PRKCE: variants seen among roughly 807,000 people sequenced by gnomAD.
The protein encoded by PRKCE is protein kinase C epsilon.
A neutral mutation model predicts 85.4 loss-of-function variants in PRKCE; 16 were observed. The observed-to-expected ratio is 0.19, with a 90% CI of 0.13 to 0.28. The LOEUF is 0.28. Among genes scored for constraint, PRKCE ranks in the 10% least tolerant of loss-of-function variants. The pLI is 1.00. For synonymous variants in PRKCE, 388 were observed against 371.5 expected (o/e 1.04, Z -0.51); for missense variants, 573 against 975.2 (o/e 0.59, Z 5.49).
At chr2:45,840,562 C>G (rs1320289536) in intron 1 of PRKCE, 1 of 152,210 alleles carries the variant, frequency 6.6e-6, no homozygotes. Context: ...GTGAGCAGCT[C>G]CCCCGGGGTG....
chr2:46,014,249 G>A (rs970629855), intron 10 of PRKCE, among the ~76,000 whole-genome samples: 1 of 152,066 alleles, frequency 6.6e-6, no homozygotes, highest in Non-Finnish European at 1.5e-5. Flanking sequence ...AACCATGTAG[G>A]GAATTCTACC....
intron 2 of PRKCE, among the ~76,000 whole-genome samples, chr2:45,858,430 A>T (rs995006159): frequency 6.6e-6 from 1 of 151,998 alleles, no homozygotes; most frequent in African/African-American, 2.4e-5. Context: ...CCTTGAATCA[A>T]TCTGTCTTTT....
chr2:45,774,548 G>A lies in PRKCE; in HGVS notation c.349-68452G>A, dbSNP rs998074641. Among the ~76,000 whole-genome samples, 5 of 152,144 alleles carry A rather than the reference G, an allele frequency of 3.3e-5. No individual in the cohort carries two copies. Among genetic ancestry groups the A allele is most frequent in the African/African-American group, 1.2e-4 (5 of 41,432 alleles). ...CATGCCAAAGCACCCCATGCCTTGG[G>A]GAAAGCTGAATGCCAGGAATCGGGT... On this transcript the variant is annotated intron_variant, in intron 1 of 14. Transcript: ENST00000306156. The surrounding 1 kb of genome is among the most constrained non-coding windows in gnomAD (Gnocchi z 4.3).
chr2:46,097,519 C>CAAAAAAAAAACAAAAAACAAAAAAAAAA, intron 11 of PRKCE, among the ~76,000 whole-genome samples: 1 of 94,124 alleles, frequency 1.1e-5, no homozygotes, highest in Non-Finnish European at 2.2e-5. Flanking sequence ...GACTCCGTCT[C>CAAAAAAAAAACAAAAAACAAAAAAAAAA]AAAAAAAAAA....
At chr2:45,672,372 A>G (rs1306315540) in intron 1 of PRKCE, among the ~76,000 whole-genome samples, 3 of 151,816 alleles carry the variant, frequency 2.0e-5, no homozygotes, top group Non-Finnish European at 4.4e-5. Context: ...TCATTCATCC[A>G]TCTCTACATC....
intron 6 of PRKCE, 111 bp downstream of exon 6, chr2:45,984,791 C>A: frequency 6.9e-7 from 1 of 1,455,410 alleles, no homozygotes; most frequent in Non-Finnish European, 9.2e-7. Flanking sequence ...TGGCCAAGAA[C>A]TGAGTGCAAG....
chr2:45,989,186 C>T (rs572277766), intron 6 of PRKCE, among the ~76,000 whole-genome samples: 10 of 152,216 alleles, frequency 6.6e-5, no homozygotes, highest in Non-Finnish European at 1.3e-4. Flanking sequence ...GAATGCTCTG[C>T]ACCTGCTGTC....
intron 1 of PRKCE, among the ~76,000 whole-genome samples, chr2:45,778,057 A>T (rs974395594): frequency 9.2e-6 from 1 of 108,932 alleles, no homozygotes; most frequent in Non-Finnish European, 1.7e-5. Context: ...GAGCAAGTCA[A>T]TTTATCTCTT....
At chr2:45,781,672 C>G (rs1686202332) in intron 1 of PRKCE, among the ~76,000 whole-genome samples, 2 of 152,030 alleles carry the variant, frequency 1.3e-5, no homozygotes, top group Admixed American at 6.5e-5. Context: ...GATATTGGAA[C>G]AGCTACATCT....
chr2:45,689,142 A>G (rs998509374), intron 1 of PRKCE, among the ~76,000 whole-genome samples: 7 of 152,252 alleles, frequency 4.6e-5, no homozygotes, highest in South Asian at 2.1e-4. Flanking sequence ...TTGCTTTACA[A>G]GAAGGGAGGG....
At chr2:46,132,636 C>G (rs970181853) in intron 11 of PRKCE, among the ~76,000 whole-genome samples, 1 of 152,196 alleles carries the variant, frequency 6.6e-6, no homozygotes, top group Non-Finnish European at 1.5e-5. Flanking sequence ...AACCACAGGT[C>G]TAGGCCCATA....
At chr2:46,084,883 CCTT>C (rs541931375) in intron 10 of PRKCE, among the ~76,000 whole-genome samples, 208 of 152,270 alleles carry the variant, frequency 1.4e-3, no homozygotes, top group African/African-American at 4.6e-3. Flanking sequence ...CTGCCCCCGA[CCTT>C]CTTTTTCTCT....
chr2:46,029,685 GTT>G (rs10658922), intron 10 of PRKCE, among the ~76,000 whole-genome samples: 1 of 146,348 alleles, frequency 6.8e-6, no homozygotes, highest in Non-Finnish European at 1.5e-5. Flanking sequence ...CGTCGTATGG[GTT>G]TTTTTTTTTT....
At chr2:45,747,989 C>T (rs1378587849) in intron 1 of PRKCE, among the ~76,000 whole-genome samples, 1 of 151,960 alleles carries the variant, frequency 6.6e-6, no homozygotes, top group African/African-American at 2.4e-5. Context: ...AATGTCTGTT[C>T]AAGTCCTTTG....
intron 2 of PRKCE, among the ~76,000 whole-genome samples, chr2:45,848,085 C>T (rs1193017669): frequency 6.6e-6 from 1 of 152,176 alleles, no homozygotes; most frequent in Non-Finnish European, 1.5e-5. Context: ...GCAGTACCTC[C>T]AGGGCTGAAA....
intron 6 of PRKCE, among the ~76,000 whole-genome samples, chr2:45,991,259 A>G (rs1703772349): frequency 6.6e-6 from 1 of 152,106 alleles, no homozygotes; most frequent in Non-Finnish European, 1.5e-5. Context: ...CACCTACCTC[A>G]GCCTCCCAAC....
intron 1 of PRKCE, among the ~76,000 whole-genome samples, chr2:45,787,238 A>G (rs1686677919): frequency 6.6e-6 from 1 of 152,166 alleles, no homozygotes; most frequent in Non-Finnish European, 1.5e-5. Context: ...GCTTGACCAA[A>G]ACGGGATTCC....
At position 45,716,903 on chromosome 2, in the gene PRKCE, C is replaced by A. The variant is rs528358325; in HGVS notation, c.348+64455C>A. Among the ~76,000 whole-genome samples, 4 of 152,236 alleles carry A rather than the reference C, an allele frequency of 2.6e-5. No individual in the cohort carries two copies. In the South Asian group the frequency reaches 6.2e-4, roughly 24 times the overall value. On this transcript the variant is annotated intron_variant, in intron 1 of 14. Transcript: ENST00000306156. ...AGAAAGGAGAAGAATGAGAGCAGAGCGAAGGGAGAAGCCCCTTATAAAACC... is the reference window on the plus strand; with the variant it reads ...AGAAAGGAGAAGAATGAGAGCAGAGAGAAGGGAGAAGCCCCTTATAAAACC...
chr2:45,668,842 A>C (rs1238533331), intron 1 of PRKCE, among the ~76,000 whole-genome samples: 1 of 152,168 alleles, frequency 6.6e-6, no homozygotes, highest in Admixed American at 6.5e-5. Context: ...AATAGTGATG[A>C]ACCACTTTGG....
Sources: allele counts gnomAD v4.1 joint callset (sites outside exome capture counted in the v4.1 genomes callset), GRCh38; gene constraint gnomAD v4.1.1; non-coding constraint Gnocchi (gnomAD v3.1); transcripts MANE v1.5; gene names NCBI Gene and HGNC (gene_info 2026-07-23, HGNC 2026-07-21).